Variants in NIPBL observed in about 807,000 individuals in gnomAD.
The protein encoded by NIPBL is nipped-B-like protein.
A neutral mutation model predicts 321.8 loss-of-function variants in NIPBL; 19 were observed. The observed-to-expected ratio is 0.06, with a 90% confidence interval of 0.04 to 0.09. The LOEUF is 0.09. Among genes scored for constraint, NIPBL ranks in the 10% least tolerant of loss-of-function variants. The probability of loss-of-function intolerance (pLI) is 1.00; values close to 1 mark genes in which losing one functional copy is unlikely to be tolerated. For synonymous variants in NIPBL, 1,106 were observed against 1,114.1 expected (o/e 0.99, Z 0.14); for missense variants, 2,210 against 3,327.0 (o/e 0.66, Z 8.26).
At chr5:36,928,010 A>G (rs1462607429) in intron 1 of NIPBL, among the ~76,000 whole-genome samples, 1 of 151,654 alleles carries the variant, frequency 6.6e-6, no homozygotes, top group Non-Finnish European at 1.5e-5. Flanking sequence ...TAAATTTTCT[A>G]CCACTTTCTT....
chr5:36,945,054 C>A (rs1220426765), intron 1 of NIPBL, among the ~76,000 whole-genome samples: 1 of 152,072 alleles, frequency 6.6e-6, no homozygotes, highest in Non-Finnish European at 1.5e-5. Context: ...CAGGCTATTT[C>A]TTTTGCAATA....
intron 1 of NIPBL, among the ~76,000 whole-genome samples, chr5:36,897,058 A>G (rs1340592173): frequency 6.6e-6 from 1 of 151,476 alleles, no homozygotes; most frequent in Non-Finnish European, 1.5e-5. Flanking sequence ...GCTGCAGTGC[A>G]ATGGCACGAT....
intron 10 of NIPBL, 28 bp from the exon 11 acceptor site, chr5:36,995,594 T>A (rs1284972660): frequency 6.5e-7 from 1 of 1,540,760 alleles, no homozygotes; most frequent in Non-Finnish European, 8.9e-7. Flanking sequence ...ATTTACATTT[T>A]TTTTTTAAAT....
intron 1 of NIPBL, among the ~76,000 whole-genome samples, chr5:36,952,049 T>TGCGCGC (rs1440415600): frequency 2.0e-4 from 23 of 113,888 alleles, no homozygotes; most frequent in Non-Finnish European, 3.9e-4. Flanking sequence ...TGTGTGTGTG[T>TGCGCGC]GTGTGCGCGC....
chr5:36,905,108 G>T (rs75183870), intron 1 of NIPBL, among the ~76,000 whole-genome samples: 2,083 of 151,970 alleles, frequency 0.014, 52 homozygotes, highest in African/African-American at 0.049. Flanking sequence ...TTGGTTGGTT[G>T]GTTTTACAAC....
In NIPBL at chr5:37,044,782, C is replaced by A; in HGVS notation, c.6343+53C>A. The A allele has an allele frequency of 1.0e-5, 13 of 1,265,918 alleles. No homozygotes were observed. The South Asian group carries it at 1.6e-4, about 15-fold the overall frequency. 78.4% of individuals were successfully genotyped at this position (1,265,918 alleles called of 1,614,324 possible). A position where few individuals can be genotyped will look rare whatever the true frequency, so the allele number is the denominator to read the frequency against. ...TATTCTGCTAGGTCCTGCAGGGGGT[C>A]AGCTCATTTTAAACACATTTGATAA... On this transcript the variant is annotated intron_variant, in intron 36 of 46. Transcript: ENST00000282516.
At position 36,955,193 on chromosome 5, in the gene NIPBL, C is replaced by T. The variant is rs564126685; in HGVS notation, c.65-279C>T. ...AGTTAGTTTGTAACCATGCCTTTTT[C>T]GCTAGTCATTTGTTAATAAAATTTA... On this transcript the variant is annotated intron_variant, in intron 2 of 46. Transcript: ENST00000282516. Among the ~76,000 whole-genome samples the T allele has an allele frequency of 7.9e-5, 12 of 152,078 alleles. No individual in the cohort carries two copies. The South Asian group carries it at 2.5e-3, about 31-fold the overall frequency.
At chr5:36,917,935 T>G (rs1434019361) in intron 1 of NIPBL, among the ~76,000 whole-genome samples, 4 of 152,176 alleles carry the variant, frequency 2.6e-5, no homozygotes, top group African/African-American at 9.7e-5. Context: ...AGCCTTGTAG[T>G]ATAGTTTGAA....
chr5:36,960,403 A>G (rs1437778941), intron 4 of NIPBL, among the ~76,000 whole-genome samples: 1 of 151,844 alleles, frequency 6.6e-6, no homozygotes, highest in Non-Finnish European at 1.5e-5. Context: ...AACAATAATT[A>G]TAGTAATTAA....
intron 9 of NIPBL, among the ~76,000 whole-genome samples, chr5:36,977,347 T>C (rs1743592155): frequency 6.6e-6 from 1 of 152,000 alleles, no homozygotes; most frequent in Non-Finnish European, 1.5e-5. Flanking sequence ...TTTTTATATA[T>C]GATGTGTTCA....
chr5:36,969,775 T>G (rs1206791548), intron 6 of NIPBL, among the ~76,000 whole-genome samples: 9 of 152,166 alleles, frequency 5.9e-5, no homozygotes, highest in African/African-American at 2.2e-4. Context: ...GTCAGAAACA[T>G]TTCCTACCCT....
chr5:36,877,887 A>G (rs182092412), intron 1 of NIPBL, among the ~76,000 whole-genome samples: 5 of 152,328 alleles, frequency 3.3e-5, no homozygotes, highest in Admixed American at 6.5e-5. Context: ...CCCCTCCCCA[A>G]GAGCTTTTAT....
intron 9 of NIPBL, 108 bp downstream of exon 9, chr5:36,976,510 G>A (rs1743473000): frequency 9.7e-7 from 1 of 1,033,412 alleles, no homozygotes; most frequent in African/African-American, 1.6e-5. Flanking sequence ...TATAATTTAT[G>A]TCTACTCAAG....
intron 1 of NIPBL, among the ~76,000 whole-genome samples, chr5:36,891,448 C>T (rs995140143): frequency 5.9e-5 from 9 of 152,018 alleles, no homozygotes; most frequent in African/African-American, 1.5e-4. Flanking sequence ...TGTGGTGAGG[C>T]GCAGTAAGTC....
chr5:36,952,055 CGCGCGCGCGCGCGCGCGCAT>C (rs1561070068), intron 1 of NIPBL, among the ~76,000 whole-genome samples: 7 of 63,156 alleles, frequency 1.1e-4, no homozygotes, highest in Non-Finnish European at 1.9e-4. Context: ...TGTGTGTGTG[CGCGCGCGCGCGCGCGCGCAT>C]GTGTGTGTGT....
chr5:36,999,153 A>G (rs1167853101), intron 11 of NIPBL, among the ~76,000 whole-genome samples: 1 of 152,186 alleles, frequency 6.6e-6, no homozygotes, highest in Non-Finnish European at 1.5e-5. Context: ...TTACCCACAC[A>G]TGAAGACACT....
intron 44 of NIPBL, 103 bp downstream of exon 44, chr5:37,059,268 A>T: frequency 7.7e-7 from 1 of 1,291,008 alleles, no homozygotes; most frequent in Non-Finnish European, 1.1e-6. Flanking sequence ...ACATTTTGGG[A>T]GGCTGAGGCG....
intron 18 of NIPBL, 70 bp downstream of exon 18, chr5:37,007,544 C>G (rs1307282545): frequency 3.7e-6 from 4 of 1,084,222 alleles, no homozygotes; most frequent in African/African-American, 3.1e-5. Flanking sequence ...ACCTAGCTCA[C>G]TCAATAATAA....
chr5:37,051,589 C>CA (rs2149741132), intron 40 of NIPBL, 190 bp from the exon 41 acceptor site: 1 of 601,506 alleles, frequency 1.7e-6, no homozygotes, highest in Admixed American at 3.1e-5. Context: ...GCTGGTGCTC[C>CA]AGTGCTTTCT....
Sources: gnomAD v4.1 joint callset for allele counts (sites outside exome capture counted in the v4.1 genomes callset) on GRCh38, gnomAD v4.1.1 for gene constraint, MANE v1.5 for transcripts, NCBI Gene and HGNC (gene_info 2026-07-23, HGNC 2026-07-21) for gene names.